Variants in GIGYF2 observed in about 807,000 individuals in gnomAD.
The protein encoded by GIGYF2 is GRB10 interacting GYF protein 2.
Under a neutral mutation model 208.1 loss-of-function variants are expected in GIGYF2, and 25 were observed. The ratio of observed to expected loss-of-function variants is 0.12; its 90% confidence interval spans 0.09 to 0.17. The LOEUF (loss-of-function observed/expected upper bound fraction) is 0.17. Ranked by LOEUF, GIGYF2 falls within the 10% of genes least tolerant of loss-of-function variation. The pLI is 1.00. For missense variants in GIGYF2, 1,302 were observed against 1,579.4 expected, an observed-to-expected ratio of 0.82 and a Z score of 2.98; for synonymous variants, 534 against 543.8, an observed-to-expected ratio of 0.98 and a Z score of 0.25.
At chr2:232,743,076 C>G (rs1390721090) in intron 3 of GIGYF2, among the ~76,000 whole-genome samples, 1 of 152,110 alleles carries the variant, frequency 6.6e-6, no homozygotes, top group Non-Finnish European at 1.5e-5. Context: ...ACTTACCAAG[C>G]GAAGATTTTG....
In GIGYF2 at chr2:232,735,082, A is replaced by G. The variant is rs890629394; in HGVS notation, c.-43-73A>G. 4.0e-6 allele frequency: 3 copies of G among 744,150 alleles called. No homozygotes were observed. In the African/African-American group the frequency reaches 5.2e-5, roughly 13 times the overall value. The allele number at this position is 744,150 out of a possible 1,614,324, so 46.1% of individuals were successfully genotyped here. On this transcript the variant is annotated intron_variant, in intron 2 of 28. Transcript: ENST00000373563. ...GAGGAGCATAAATAAAACACTCTCT[A>G]ACTGTACTTTCTGGCCTGGAATTCC...
At chr2:232,795,721 G>A (rs1043750784) in intron 13 of GIGYF2, among the ~76,000 whole-genome samples, 1 of 152,084 alleles carries the variant, frequency 6.6e-6, no homozygotes, top group African/African-American at 2.4e-5. Flanking sequence ...AACGTGATGA[G>A]ATCTCATCTC....
Position 232,760,600 on chromosome 2 carries a change from AT to A in GIGYF2, c.491+10del. 1 of 1,552,480 alleles carries A rather than the reference AT, an allele frequency of 6.4e-7. No homozygotes were observed. Among genetic ancestry groups the A allele is most frequent in the Non-Finnish European group, 8.9e-7 (1 of 1,124,094 alleles). On this transcript the variant is annotated intron_variant, in intron 7 of 28. Transcript: ENST00000373563. ...CAGAGCTGGGAGGAAAGGTAACTGG[AT>A]CCACATATTGGCATAAAAATTTCTT...
At chr2:232,722,371 G>A (rs1192240330) in intron 2 of GIGYF2, among the ~76,000 whole-genome samples, 1 of 152,150 alleles carries the variant, frequency 6.6e-6, no homozygotes, top group Admixed American at 6.5e-5. Flanking sequence ...AGCGGGAAGA[G>A]CCCCTTATAA....
chr2:232,753,794 C>T (rs1369144524), intron 5 of GIGYF2, among the ~76,000 whole-genome samples: 1 of 152,142 alleles, frequency 6.6e-6, no homozygotes, highest in Non-Finnish European at 1.5e-5. Flanking sequence ...TTCCTAATTA[C>T]AAGTATGCTC....
At chr2:232,763,693 G>A (rs1011537000) in intron 8 of GIGYF2, among the ~76,000 whole-genome samples, 16 of 151,986 alleles carry the variant, frequency 1.1e-4, no homozygotes, top group Admixed American at 7.9e-4. Context: ...GCCAGGCGTG[G>A]TGGGTGAGCA....
At chr2:232,830,444 A>G (rs1460871682) in intron 21 of GIGYF2, among the ~76,000 whole-genome samples, 1 of 151,532 alleles carries the variant, frequency 6.6e-6, no homozygotes, top group African/African-American at 2.4e-5. Context: ...TTTTTTTTTT[A>G]TTGGTAGACT....
intron 20 of GIGYF2, among the ~76,000 whole-genome samples, chr2:232,818,496 T>G (rs2106393283): frequency 6.6e-6 from 1 of 152,342 alleles, no homozygotes; most frequent in Admixed American, 6.5e-5. Context: ...TGCCTATAGA[T>G]ATCCAGTTTT....
At chr2:232,754,015 A>G (rs940915378) in intron 5 of GIGYF2, among the ~76,000 whole-genome samples, 2 of 152,084 alleles carry the variant, frequency 1.3e-5, no homozygotes, top group Non-Finnish European at 2.9e-5. Flanking sequence ...AATAGAAAAA[A>G]TTAGCCAGGC....
At chr2:232,847,126 A>G (rs1404247193) in intron 26 of GIGYF2, among the ~76,000 whole-genome samples, 4 of 152,234 alleles carry the variant, frequency 2.6e-5, no homozygotes, top group Non-Finnish European at 5.9e-5. Context: ...TATAACATTC[A>G]GTGAAATTAA....
At chr2:232,816,056 A>G (rs946934940) in intron 19 of GIGYF2, 1 of 361,948 alleles carries the variant, frequency 2.8e-6, no homozygotes, top group Non-Finnish European at 5.2e-6. Flanking sequence ...AATATCCACT[A>G]CATTGTTTAT....
chr2:232,835,127 A>G (rs192692648), intron 22 of GIGYF2, among the ~76,000 whole-genome samples: 20 of 152,328 alleles, frequency 1.3e-4, no homozygotes, highest in East Asian at 1.9e-4. Flanking sequence ...ACTTAGGACA[A>G]TAGCCTCCAG....
chr2:232,853,897 G>T (rs1690451893), intron 28 of GIGYF2, among the ~76,000 whole-genome samples: 3 of 152,160 alleles, frequency 2.0e-5, no homozygotes, highest in Admixed American at 2.0e-4. Flanking sequence ...TTTTTTAAAT[G>T]ACAGTTAAAT....
At chr2:232,846,752 A>G (rs1702018439) in intron 26 of GIGYF2, among the ~76,000 whole-genome samples, 1 of 152,256 alleles carries the variant, frequency 6.6e-6, no homozygotes, top group Non-Finnish European at 1.5e-5. Context: ...ATACCTTTAC[A>G]AGATAGGTGA....
Position 232,768,668 on chromosome 2 carries a change from G to C in GIGYF2, c.532+7232G>C, listed in dbSNP as rs1184806124. On this transcript the variant is annotated intron_variant, in intron 8 of 28. Transcript: ENST00000373563. ...CCTGATAGAGTACAGCTGAGACCCG[G>C]ACACTGGTTAGAGGGCTAGGTCGGG... The C allele has an allele frequency of 6.2e-7, 1 of 1,613,488 alleles. No homozygotes were observed. The highest frequency in any genetic ancestry group is 8.5e-7 in the Non-Finnish European group (1 of 1,179,552).
chr2:232,757,073 T>C (rs1382319859), intron 6 of GIGYF2, among the ~76,000 whole-genome samples: 1 of 152,246 alleles, frequency 6.6e-6, no homozygotes, highest in Non-Finnish European at 1.5e-5. Flanking sequence ...GAATTGGATG[T>C]CTGCAATGAG....
intron 2 of GIGYF2, among the ~76,000 whole-genome samples, chr2:232,721,174 A>G (rs1230091372): frequency 6.6e-6 from 1 of 152,174 alleles, no homozygotes; most frequent in Non-Finnish European, 1.5e-5. Context: ...CAGAGATGTG[A>G]GGACAAGTTC....
At chr2:232,758,601 C>T (rs1698630361) in intron 6 of GIGYF2, among the ~76,000 whole-genome samples, 1 of 152,104 alleles carries the variant, frequency 6.6e-6, no homozygotes, top group Non-Finnish European at 1.5e-5. Flanking sequence ...AGAACCTGAT[C>T]GTTGTAGTAT....
chr2:232,842,672 C>G (rs1311734159), intron 23 of GIGYF2, among the ~76,000 whole-genome samples: 1 of 152,176 alleles, frequency 6.6e-6, no homozygotes, highest in African/African-American at 2.4e-5. Context: ...GTATGTACAG[C>G]ACCTTGATGG....
Sources: allele counts gnomAD v4.1 joint callset (sites outside exome capture counted in the v4.1 genomes callset), GRCh38; gene constraint gnomAD v4.1.1; transcripts MANE v1.5; gene names NCBI Gene and HGNC (gene_info 2026-07-23, HGNC 2026-07-21).